The following RABGAP1L variants were observed in gnomAD, a reference collection of about 807,000 sequenced individuals.
RABGAP1L encodes RAB GTPase activating protein 1 like.
RABGAP1L carries 63 observed loss-of-function variants against 137.7 expected under a neutral mutation model. That is an observed-to-expected ratio of 0.46 (90% CI 0.37 to 0.56). RABGAP1L has a LOEUF of 0.56. Among genes scored for constraint, RABGAP1L ranks in the 20% least tolerant of loss-of-function variants. The probability of loss-of-function intolerance (pLI) is 0.00; values close to 1 mark genes in which losing one functional copy is unlikely to be tolerated. For synonymous variants in RABGAP1L, 431 were observed against 433.7 expected, an observed-to-expected ratio of 0.99 and a Z score of 0.08; for missense variants, 1,095 against 1,244.0, an observed-to-expected ratio of 0.88 and a Z score of 1.80.
At chr1:174,973,050 G>A (rs1267692202) in intron 21 of RABGAP1L, among the ~76,000 whole-genome samples, 1 of 152,092 alleles carries the variant, frequency 6.6e-6, no homozygotes, top group African/African-American at 2.4e-5. Flanking sequence ...ACCACTGTTA[G>A]AGGGATACTC....
chr1:174,783,660 G>A (rs1687201875), intron 18 of RABGAP1L, among the ~76,000 whole-genome samples: 1 of 151,186 alleles, frequency 6.6e-6, no homozygotes, highest in African/African-American at 2.4e-5. Context: ...ATAATTGAGA[G>A]GTTACTGAAC....
chr1:174,513,984 A>G (rs1267302829), intron 13 of RABGAP1L, among the ~76,000 whole-genome samples: 1 of 152,140 alleles, frequency 6.6e-6, no homozygotes, highest in Admixed American at 6.5e-5. Context: ...AGAGGAGAGT[A>G]TCATGAAGAC....
At chr1:174,978,379 C>T (rs1032456552) in intron 22 of RABGAP1L, among the ~76,000 whole-genome samples, 1 of 152,154 alleles carries the variant, frequency 6.6e-6, no homozygotes, top group Non-Finnish European at 1.5e-5. Context: ...AGAGAGGTAA[C>T]AGCAGTAAAG....
intron 22 of RABGAP1L, among the ~76,000 whole-genome samples, chr1:174,978,584 T>C (rs1368293955): frequency 1.3e-5 from 2 of 152,228 alleles, no homozygotes; most frequent in Non-Finnish European, 2.9e-5. Context: ...AATGGTGTTG[T>C]TCATATGTCT....
chr1:174,566,439 T>C (rs1667592371), intron 13 of RABGAP1L, among the ~76,000 whole-genome samples: 1 of 152,104 alleles, frequency 6.6e-6, no homozygotes, highest in Admixed American at 6.6e-5. Flanking sequence ...TCTGATAGAA[T>C]TAGTGTCATG....
At chr1:174,488,285 A>G (rs972666890) in intron 13 of RABGAP1L, among the ~76,000 whole-genome samples, 4 of 149,918 alleles carry the variant, frequency 2.7e-5, no homozygotes, top group Admixed American at 2.0e-4. Flanking sequence ...TTTGAAGGAT[A>G]TTTTCACCAG....
At chr1:174,814,790 G>A (rs1179294791) in intron 19 of RABGAP1L, among the ~76,000 whole-genome samples, 1 of 151,870 alleles carries the variant, frequency 6.6e-6, no homozygotes, top group African/African-American at 2.4e-5. Flanking sequence ...CCAGGTTCAA[G>A]CAATTCTCCT....
At chr1:174,558,232 C>T (rs943784500) in intron 13 of RABGAP1L, among the ~76,000 whole-genome samples, 2 of 152,118 alleles carry the variant, frequency 1.3e-5, no homozygotes, top group Admixed American at 6.5e-5. Context: ...TTGTATTGAC[C>T]TTTTTCATTC....
chr1:174,700,855 T>C (rs905828183), intron 16 of RABGAP1L: 1 of 205,740 alleles, frequency 4.9e-6, no homozygotes, highest in African/African-American at 2.3e-5. Flanking sequence ...AAAATTCATA[T>C]ATTTTCAAAG....
chr1:174,327,175 T>C (rs1334352035), intron 11 of RABGAP1L, among the ~76,000 whole-genome samples: 1 of 152,184 alleles, frequency 6.6e-6, no homozygotes, highest in Non-Finnish European at 1.5e-5. Context: ...CATACTCTAA[T>C]GCAGTGATTG....
intron 19 of RABGAP1L, chr1:174,935,434 A>G (rs1216177353): frequency 6.6e-6 from 1 of 152,236 alleles, no homozygotes; most frequent in Non-Finnish European, 1.5e-5. Context: ...TTCACGTAAT[A>G]TGGACTTTGG....
rs1286542041 is a variant in RABGAP1L, at chr1:174,551,005, T to TATATATACATATATATATAC, written c.1711-86363_1711-86362insCATATATATATACATATATA. Among the ~76,000 whole-genome samples the TATATATACATATATATATAC allele has an allele frequency of 1.6e-5, 2 of 123,292 alleles. 1 individual carries two copies. Among genetic ancestry groups the TATATATACATATATATATAC allele is most frequent in the African/African-American group, 7.5e-5 (2 of 26,810 alleles). 80.9% of individuals were successfully genotyped at this position (123,292 alleles called of 152,430 possible). On this transcript the variant is annotated intron_variant, in intron 13 of 25. Transcript: ENST00000681986. ...ATACATATATATATATACACATATA[T>TATATATACATATATATATAC]ATATATATATATATATACATACACA...
In RABGAP1L at chr1:174,233,836, G is replaced by A. The variant is rs1210251427; in HGVS notation, c.542+2481G>A. ...TCTAGTTCTAGATCCCTGAGGAATC[G>A]CCACACTGACTTCCACAATGGTTGA... On this transcript the variant is annotated intron_variant, in intron 4 of 25. Transcript: ENST00000681986. Among the ~76,000 whole-genome samples, 866 of 106,878 alleles carry A rather than the reference G, an allele frequency of 8.1e-3. 9 individuals are homozygous for A. Among genetic ancestry groups the A allele is most frequent in the African/African-American group, 0.047 (766 of 16,436 alleles). 70.1% of individuals were successfully genotyped at this position (106,878 alleles called of 152,430 possible). A position where few individuals can be genotyped will look rare whatever the true frequency, so the allele number is the denominator to read the frequency against.
chr1:174,182,274 A>C (rs1343795503), intron 1 of RABGAP1L, among the ~76,000 whole-genome samples: 1 of 152,234 alleles, frequency 6.6e-6, no homozygotes, highest in Non-Finnish European at 1.5e-5. Context: ...GATGAAGCAT[A>C]GGCTTTCTAA....
At chr1:174,407,368 C>T (rs1571656242) in intron 13 of RABGAP1L, among the ~76,000 whole-genome samples, 1 of 150,926 alleles carries the variant, frequency 6.6e-6, no homozygotes, top group East Asian at 1.9e-4. Flanking sequence ...TCTTAATTGT[C>T]CAAAATCTAG....
At chr1:174,200,363 AT>A (rs1558026178) in intron 1 of RABGAP1L, among the ~76,000 whole-genome samples, 1 of 152,224 alleles carries the variant, frequency 6.6e-6, no homozygotes, top group Non-Finnish European at 1.5e-5. Flanking sequence ...GGAAAATTCT[AT>A]ACCTTTTTGT....
At chr1:174,865,668 A>C (rs1435374528) in intron 19 of RABGAP1L, among the ~76,000 whole-genome samples, 2 of 152,168 alleles carry the variant, frequency 1.3e-5, no homozygotes, top group Admixed American at 1.3e-4. Context: ...AGGCACAGTA[A>C]CTTGTGCCTG....
chr1:174,988,076 T>G (rs1228349914), intron 24 of RABGAP1L, among the ~76,000 whole-genome samples: 1 of 152,270 alleles, frequency 6.6e-6, no homozygotes, highest in African/African-American at 2.4e-5. Flanking sequence ...CCCAAAGTGC[T>G]GGGATTACAG....
chr1:174,737,157 C>A (rs952092127), intron 17 of RABGAP1L, among the ~76,000 whole-genome samples: 11 of 152,156 alleles, frequency 7.2e-5, no homozygotes, highest in African/African-American at 2.7e-4. Flanking sequence ...GCAAACTTTC[C>A]AAACTTCTTT....
Sources: allele counts gnomAD v4.1 joint callset (sites outside exome capture counted in the v4.1 genomes callset), GRCh38; gene constraint gnomAD v4.1.1; transcripts MANE v1.5; gene names NCBI Gene and HGNC (gene_info 2026-07-23, HGNC 2026-07-21).